ZNF592: variants seen among roughly 807,000 people sequenced by gnomAD.
ZNF592 encodes spinocerebellar ataxia, autosomal recessive 5.
In ZNF592, 11 loss-of-function variants were observed where a neutral mutation model predicts 80.3. The observed-to-expected ratio is 0.14, with a 90% CI of 0.09 to 0.23. The LOEUF (loss-of-function observed/expected upper bound fraction) is 0.23. ZNF592 is among the 10% of genes least tolerant of loss of function. ZNF592 has a pLI of 1.00. For missense variants in ZNF592, 1,420 were observed against 1,633.9 expected (o/e 0.87, Z 2.26); for synonymous variants, 646 against 640.3 (o/e 1.01, Z -0.13).
At chr15:84,794,981 T>G (rs1962854022) in intron 5 of ZNF592, among the ~76,000 whole-genome samples, 1 of 152,150 alleles carries the variant, frequency 6.6e-6, no homozygotes, top group Middle Eastern at 3.4e-3. Context: ...TCCATTTTAT[T>G]GAACTCTACT....
rs143182143 is a variant in ZNF592 at position 84,783,082 on chromosome 15, C to G, written c.407C>G (p.Pro136Arg). 1.5e-4 allele frequency: 247 copies of G among 1,613,986 alleles called. No individual in the cohort carries two copies. The highest frequency in any genetic ancestry group is 3.3e-4 in the Admixed American group (20 of 59,986). Residue 136 changes from proline (P) to arginine (R), a missense_variant, in exon 4 of 11, where the codon CCC becomes CGC. Pro to Arg is a moderately radical substitution (Grantham distance 103, BLOSUM62 -2). Around this residue, in one of 7 missense-constraint regions of ZNF592, gnomAD observed 373 missense variants for 355.5 expected, o/e 1.05. Coordinates refer to ENST00000560079, the MANE Select transcript of ZNF592 (RefSeq NM_014630.3). The surrounding 1 kb of genome is among the most constrained non-coding windows in gnomAD (Gnocchi z 5.0). ...KLEPPKSEPL[P>R]TFNQFSPISS... ...GAGCCTCCCAAGTCAGAGCCATTAC[C>G]CACCTTCAACCAGTTCAGTCCAATC...
chr15:84,782,633 TTC>T, intron 3 of ZNF592, 22 bp from the exon 4 acceptor site: 1 of 1,611,430 alleles, frequency 6.2e-7, no homozygotes, highest in South Asian at 1.1e-5. Flanking sequence ...TGGTCACTGA[TTC>T]TGTTTTCTGT....
chr15:84,791,018 A>C, intron 5 of ZNF592, 135 bp downstream of exon 5: 1 of 943,248 alleles, frequency 1.1e-6, no homozygotes, highest in South Asian at 1.4e-5. Context: ...ATTGGATGGT[A>C]TGTGGACAGA....
intron 1 of ZNF592, among the ~76,000 whole-genome samples, chr15:84,758,717 G>A (rs550542311): frequency 6.8e-6 from 1 of 147,772 alleles, no homozygotes; most frequent in African/African-American, 2.5e-5. Context: ...TTTGAGACTA[G>A]CCTAGGTAAC....
At chr15:84,755,888 TA>T (rs773688876) in intron 1 of ZNF592, among the ~76,000 whole-genome samples, 8 of 152,344 alleles carry the variant, frequency 5.3e-5, no homozygotes, top group Middle Eastern at 3.4e-3. Flanking sequence ...CTGATTGGGA[TA>T]GTCCCTGAAT....
In ZNF592 at chr15:84,777,228, G is replaced by T. The variant is rs1310010802; in HGVS notation, c.-149-955G>T. ...GCAGTTGCTCACGCCTGTAATCCCA[G>T]CACTTTGGGAGGCTGAGGTGGGTGG... On this transcript the variant is annotated intron_variant, in intron 2 of 10. Transcript: ENST00000560079. Among the ~76,000 whole-genome samples the T allele has an allele frequency of 3.3e-5, 5 of 152,082 alleles. No individual in the cohort carries two copies. The Middle Eastern group carries it at 0.017, about 517-fold the overall frequency.
chr15:84,766,003 C>T (rs1596111092), intron 2 of ZNF592, among the ~76,000 whole-genome samples: 1 of 143,924 alleles, frequency 6.9e-6, no homozygotes. Context: ...ATTCATGGTC[C>T]TTTTTTTTTT....
In ZNF592 at chr15:84,782,946, C is replaced by A; in HGVS notation, c.271C>A (p.Leu91Ile). ...AEKDHITPSL[L>I]HNGFRGSDLP... ...GAAAGACCACATTACTCCCAGTCTCCTACACAATGGATTCCGGGGCTCAGA... is the reference window on the plus strand; with the variant it reads ...GAAAGACCACATTACTCCCAGTCTCATACACAATGGATTCCGGGGCTCAGA... Residue 91 changes from leucine (L) to isoleucine (I), a missense_variant, in exon 4 of 11, where the codon CTA becomes ATA. By Grantham distance (5) the Leu-to-Ile change is conservative. This residue lies in a region of ZNF592 where 373 missense variants were observed against 355.5 expected (regional missense o/e 1.05). Coordinates refer to ENST00000560079, the MANE Select transcript of ZNF592 (RefSeq NM_014630.3). 6.2e-7 allele frequency: 1 copy of A among 1,614,190 alleles called. No homozygotes were observed. The highest frequency in any genetic ancestry group is 8.5e-7 in the Non-Finnish European group (1 of 1,180,044).
chr15:84,768,798 G>T lies in ZNF592; in HGVS notation c.-150+3983G>T, dbSNP rs114530528. ...TGGCGAGGTCCCATAACCACTGAAG[G>T]TCTCTCTAAAATTTTAAAAAGTGAA... On this transcript the variant is annotated intron_variant, in intron 2 of 10. Coordinates refer to ENST00000560079, the MANE Select transcript of ZNF592 (RefSeq NM_014630.3). Among the ~76,000 whole-genome samples the T allele has an allele frequency of 3.3e-5, 5 of 152,220 alleles. No homozygotes were observed. In the East Asian group the frequency reaches 9.6e-4, roughly 29 times the overall value.
chr15:84,764,264 G>A (rs1325448603), intron 1 of ZNF592, among the ~76,000 whole-genome samples: 4 of 152,244 alleles, frequency 2.6e-5, no homozygotes, highest in Non-Finnish European at 5.9e-5. Flanking sequence ...AGGAGGGAAA[G>A]CTTGGTGGCC....
rs1899042245 is a variant in ZNF592, at chr15:84,752,505, C to T, written c.-259+3841C>T. 2.0e-5 allele frequency among the ~76,000 whole-genome samples: 3 copies of T among 152,250 alleles called. No individual in the cohort carries two copies. In the South Asian group the frequency reaches 6.2e-4, roughly 32 times the overall value. ...AGTTTTACAGGCAAATAAGATTGAGCAAAGAACATTCTAGGTAGATAGAAT... is the reference window on the plus strand; with the variant it reads ...AGTTTTACAGGCAAATAAGATTGAGTAAAGAACATTCTAGGTAGATAGAAT... On this transcript the variant is annotated intron_variant, in intron 1 of 10. Transcript: ENST00000560079.
intron 10 of ZNF592, 24 bp downstream of exon 10, chr15:84,800,001 T>C: frequency 6.2e-7 from 1 of 1,614,098 alleles, no homozygotes; most frequent in Non-Finnish European, 8.5e-7. Flanking sequence ...CCCTGCCTAT[T>C]GGAGCTGGCT....
intron 5 of ZNF592, among the ~76,000 whole-genome samples, chr15:84,791,270 G>A (rs562756505): frequency 6.6e-6 from 1 of 152,332 alleles, no homozygotes; most frequent in South Asian, 2.1e-4. Context: ...ATGTTTGCAG[G>A]TTTTAACAAA....
chr15:84,782,552 G>T, intron 3 of ZNF592, 105 bp from the exon 4 acceptor site: 1 of 1,065,934 alleles, frequency 9.4e-7, no homozygotes. Context: ...GTGGGGTTCT[G>T]CATGGGTGTG....
chr15:84,797,615 A>G (rs1287481811), intron 5 of ZNF592, among the ~76,000 whole-genome samples: 6 of 152,216 alleles, frequency 3.9e-5, no homozygotes, highest in Admixed American at 3.9e-4. Context: ...AGTGCAGGGA[A>G]GGTTGGGGTT....
At chr15:84,785,277 T>C (rs1269257391) in intron 4 of ZNF592, among the ~76,000 whole-genome samples, 1 of 151,968 alleles carries the variant, frequency 6.6e-6, no homozygotes. Flanking sequence ...GCTGAGTCAC[T>C]GCCCCTGCAC....
chr15:84,784,947 C>T lies in ZNF592; in HGVS notation c.2220+52C>T, dbSNP rs769109000. The stretch of plus-strand genomic sequence containing the variant: ...ATCGGGCCCCTGGCTCACACAGGTT[C>T]CATGACTGGGCATGGAGAGGAAAGC... On this transcript the variant is annotated intron_variant, in intron 4 of 10. Transcript: ENST00000560079. The surrounding 1 kb of genome is among the most constrained non-coding windows in gnomAD (Gnocchi z 5.8). 3 of 1,602,694 alleles carry T rather than the reference C, an allele frequency of 1.9e-6. No individual in the cohort carries two copies. In the African/African-American group the frequency reaches 4.0e-5, roughly 21 times the overall value.
intron 2 of ZNF592, among the ~76,000 whole-genome samples, chr15:84,772,492 G>C (rs187564195): frequency 6.6e-6 from 1 of 152,294 alleles, no homozygotes; most frequent in Admixed American, 6.5e-5. Flanking sequence ...GGAGGCTGAA[G>C]TGAGCTATGA....
chr15:84,751,512 T>G lies in ZNF592; in HGVS notation c.-259+2848T>G, dbSNP rs75892140. ...GTGCAGATAAAACTCCCTCATACAG[T>G]TGTTGTACAGATTAAGTCATGTAAA... On this transcript the variant is annotated intron_variant, in intron 1 of 10. Coordinates refer to ENST00000560079, the MANE Select transcript of ZNF592 (RefSeq NM_014630.3). Among the ~76,000 whole-genome samples the G allele has an allele frequency of 4.6e-3, 700 of 152,370 alleles. 4 individuals are homozygous for G. The highest frequency in any genetic ancestry group is 0.016 in the African/African-American group (674 of 41,588).
Sources: gnomAD v4.1 joint callset for allele counts (sites outside exome capture counted in the v4.1 genomes callset) on GRCh38, gnomAD v4.1.1 for gene constraint, gnomAD v4.1.1 regional missense constraint, Gnocchi (gnomAD v3.1) non-coding constraint, MANE v1.5 for transcripts, NCBI Gene and HGNC (gene_info 2026-07-23, HGNC 2026-07-21) for gene names.